Variants in CPNE8 observed in about 807,000 individuals in gnomAD.
CPNE8 encodes copine 8.
Under a neutral mutation model 81.5 loss-of-function variants are expected in CPNE8, and 45 were observed. The ratio of observed to expected loss-of-function variants is 0.55; its 90% CI spans 0.44 to 0.71. The LOEUF is 0.71. CPNE8 is among the 30% of genes least tolerant of loss of function. The pLI is 0.00. For missense variants in CPNE8, 594 were observed against 672.1 expected (o/e 0.88, Z 1.28); for synonymous variants, 252 against 226.3 (o/e 1.11, Z -1.02).
intron 14 of CPNE8, among the ~76,000 whole-genome samples, chr12:38,699,658 C>A (rs979886512): frequency 1.3e-5 from 2 of 151,892 alleles, no homozygotes; most frequent in Admixed American, 1.3e-4. Flanking sequence ...CGGTCTATTT[C>A]ACCAGTACCC....
chr12:38,767,560 C>T (rs1592071901), intron 8 of CPNE8, 75 bp downstream of exon 8: 1 of 889,788 alleles, frequency 1.1e-6, no homozygotes, highest in South Asian at 2.3e-5. Context: ...ATTTAATGAG[C>T]TTCTCTGAGA....
At chr12:38,699,607 CT>C (rs1939886597) in intron 14 of CPNE8, among the ~76,000 whole-genome samples, 1 of 151,228 alleles carries the variant, frequency 6.6e-6, no homozygotes, top group African/African-American at 2.4e-5. Flanking sequence ...TCATTCTTAC[CT>C]TTTGGTGGCT....
At chr12:38,694,691 A>G (rs1376013738) in intron 14 of CPNE8, among the ~76,000 whole-genome samples, 2 of 152,226 alleles carry the variant, frequency 1.3e-5, no homozygotes, top group African/African-American at 2.4e-5. Context: ...ACACATTGAA[A>G]TTCACAACAA....
intron 13 of CPNE8, among the ~76,000 whole-genome samples, chr12:38,709,155 C>A (rs1414817533): frequency 1.3e-5 from 2 of 152,194 alleles, no homozygotes; most frequent in Non-Finnish European, 2.9e-5. Flanking sequence ...CTAGTTCACA[C>A]TTTGGTTCTG....
At chr12:38,796,450 C>T (rs998934970) in intron 6 of CPNE8, among the ~76,000 whole-genome samples, 1 of 151,868 alleles carries the variant, frequency 6.6e-6, no homozygotes, top group Non-Finnish European at 1.5e-5. Context: ...TTAAGAATTC[C>T]TATTCATCAA....
At chr12:38,715,239 T>A (rs1389569121) in intron 13 of CPNE8, among the ~76,000 whole-genome samples, 2 of 152,096 alleles carry the variant, frequency 1.3e-5, no homozygotes, top group East Asian at 3.9e-4. Flanking sequence ...CTCCCTTGCA[T>A]CTGGTCTAAG....
chr12:38,685,718 A>G lies in CPNE8; in HGVS notation c.1144-101T>C, dbSNP rs79114072. 101 of 1,216,044 alleles carry G rather than the reference A, an allele frequency of 8.3e-5. No homozygotes were observed. In the East Asian group the frequency reaches 2.4e-3, roughly 29 times the overall value. 75.3% of individuals were successfully genotyped at this position (1,216,044 alleles called of 1,614,324 possible). A position where few individuals can be genotyped will look rare whatever the true frequency, so the allele number is the denominator to read the frequency against. ...ATGAGAATAATACACGTTGACACTC[A>G]TATTTTTTGAGGAACTCTTATTCAT... On this transcript the variant is annotated intron_variant, in intron 15 of 19. Coordinates refer to ENST00000331366, the MANE Select transcript of CPNE8 (RefSeq NM_153634.3).
chr12:38,837,934 T>C (rs957160446), intron 5 of CPNE8, among the ~76,000 whole-genome samples: 5 of 152,082 alleles, frequency 3.3e-5, no homozygotes, highest in African/African-American at 1.2e-4. Context: ...TGAAAGGAAA[T>C]ATACATTTAT....
chr12:38,888,548 C>A (rs1459106864), intron 1 of CPNE8, among the ~76,000 whole-genome samples: 1 of 152,142 alleles, frequency 6.6e-6, no homozygotes, highest in Non-Finnish European at 1.5e-5. Flanking sequence ...GAAGAAGGAA[C>A]TAATCCAAAT....
chr12:38,885,295 C>A (rs746767443), intron 1 of CPNE8, among the ~76,000 whole-genome samples: 12 of 151,890 alleles, frequency 7.9e-5, no homozygotes, highest in African/African-American at 2.7e-4. Flanking sequence ...AGTATAAGCA[C>A]CCCAAAAGAA....
At chr12:38,657,371 A>G (rs1591992401) in intron 19 of CPNE8, among the ~76,000 whole-genome samples, 1 of 152,178 alleles carries the variant, frequency 6.6e-6, no homozygotes, top group South Asian at 2.1e-4. Flanking sequence ...ACAAAGTGGC[A>G]AGGAAGCTCG....
chr12:38,753,132 T>C (rs1228567125), intron 10 of CPNE8, among the ~76,000 whole-genome samples: 1 of 152,160 alleles, frequency 6.6e-6, no homozygotes, highest in Non-Finnish European at 1.5e-5. Flanking sequence ...TAAGTATTGA[T>C]GGAGGACTGA....
chr12:38,742,182 C>T (rs1941122698), intron 10 of CPNE8, among the ~76,000 whole-genome samples: 1 of 152,008 alleles, frequency 6.6e-6, no homozygotes, highest in South Asian at 2.1e-4. Flanking sequence ...GGGTATATAC[C>T]CAAAGGATTA....
intron 9 of CPNE8, 107 bp from the exon 10 acceptor site, chr12:38,760,995 T>G: frequency 3.7e-6 from 3 of 801,374 alleles, no homozygotes; most frequent in Non-Finnish European, 6.0e-6. Flanking sequence ...CAATGTATGC[T>G]TGCAGATTTT....
chr12:38,840,530 T>C (rs1943452116), intron 4 of CPNE8, among the ~76,000 whole-genome samples: 1 of 152,192 alleles, frequency 6.6e-6, no homozygotes, highest in Non-Finnish European at 1.5e-5. Flanking sequence ...AATGAATCTA[T>C]GTTTATCTCA....
chr12:38,693,823 G>A lies in CPNE8; in HGVS notation c.977C>T (p.Pro326Leu). The A allele has an allele frequency of 6.2e-7, 1 of 1,608,258 alleles. No individual in the cohort carries two copies. Among genetic ancestry groups the A allele is most frequent in the Non-Finnish European group, 8.5e-7 (1 of 1,177,464 alleles). ...AGGATTCATGTAGTGGAGGGAAGTG[G>A]GCTGAGCAGGGTTGCCTGATGACAG... Reference protein sequence around the residue: ...FTASNGNPAQPTSLHYMNPYQ... With the variant: ...FTASNGNPAQLTSLHYMNPYQ... The change falls in exon 15 of 20, where the codon CCC becomes CTC. Residue 326 changes from proline (P) to leucine (L), a missense_variant. Physicochemically the swap from Pro to Leu is moderately conservative, Grantham distance 98 (BLOSUM62 -3). Coordinates refer to ENST00000331366, the MANE Select transcript of CPNE8 (RefSeq NM_153634.3).
At chr12:38,883,759 C>A (rs1320725194) in intron 1 of CPNE8, among the ~76,000 whole-genome samples, 1 of 152,216 alleles carries the variant, frequency 6.6e-6, no homozygotes, top group Non-Finnish European at 1.5e-5. Context: ...TCAAAACAGT[C>A]ACACAGTGTA....
chr12:38,889,947 T>C (rs1036801471), intron 1 of CPNE8, among the ~76,000 whole-genome samples: 8 of 152,200 alleles, frequency 5.3e-5, no homozygotes, highest in East Asian at 1.9e-4. Context: ...GGAGTGCCCA[T>C]AAGTAGTTCG....
At chr12:38,778,166 C>T (rs1033279464) in intron 6 of CPNE8, among the ~76,000 whole-genome samples, 1 of 152,026 alleles carries the variant, frequency 6.6e-6, no homozygotes, top group Non-Finnish European at 1.5e-5. Context: ...CTTGAATCAT[C>T]CCGAAACTAC....
Sources: gnomAD v4.1 joint callset for allele counts (sites outside exome capture counted in the v4.1 genomes callset) on GRCh38, gnomAD v4.1.1 for gene constraint, MANE v1.5 for transcripts, NCBI Gene and HGNC (gene_info 2026-07-23, HGNC 2026-07-21) for gene names.